The following CELSR2 variants were observed in gnomAD, a reference collection of about 807,000 sequenced individuals.
CELSR2 encodes the protein cadherin EGF LAG seven-pass G-type receptor 2, also known as EGF-like protein 2.
In CELSR2, 81 loss-of-function variants were observed where a neutral mutation model predicts 251.6. The ratio of observed to expected loss-of-function variants is 0.32; its 90% CI spans 0.27 to 0.39. The LOEUF is 0.39. CELSR2 is among the 10% of genes least tolerant of loss of function. The pLI is 1.00. For synonymous variants in CELSR2, 1,721 were observed against 1,670.5 expected (o/e 1.03, Z -0.74); for missense variants, 3,365 against 3,947.7 (o/e 0.85, Z 3.96).
At chr1:109,263,508 G>A in intron 8 of CELSR2, 103 bp from the exon 9 acceptor site, 1 of 1,496,168 alleles carries the variant, frequency 6.7e-7, no homozygotes, top group African/African-American at 1.4e-5. Flanking sequence ...GCTGATGAGG[G>A]GAGTGGGCTC....
intron 1 of CELSR2, 66 bp from the exon 2 acceptor site, chr1:109,258,366 T>C: frequency 8.7e-7 from 1 of 1,147,796 alleles, no homozygotes; most frequent in Non-Finnish European, 1.2e-6. Context: ...TCTTGGTGGG[T>C]GGTGCAGGAA....
At chr1:109,258,048 C>T (rs1393927482) in intron 1 of CELSR2, among the ~76,000 whole-genome samples, 2 of 151,946 alleles carry the variant, frequency 1.3e-5, no homozygotes, top group Admixed American at 6.6e-5. Flanking sequence ...GGTGTAGAGG[C>T]TGAGGGGGCA....
rs189575997 is a variant in CELSR2, at chr1:109,263,516, C to T, written c.4835-95C>T. The T allele has an allele frequency of 1.6e-3, 2,506 of 1,519,026 alleles. 77 individuals carry two copies. In the Admixed American group the frequency reaches 0.042, roughly 25 times the overall value. The allele number at this position is 1,519,026 out of a possible 1,614,324, so 94.1% of individuals were successfully genotyped here. On this transcript the variant is annotated intron_variant, in intron 8 of 33. Coordinates refer to ENST00000271332, the MANE Select transcript of CELSR2 (RefSeq NM_001408.3). Reference sequence around the variant, plus strand: ...GGGCGGGGCTGATGAGGGGAGTGGGCTCTGCCTCCCGTGCAGCCGCCACCG... The same window carrying T: ...GGGCGGGGCTGATGAGGGGAGTGGGTTCTGCCTCCCGTGCAGCCGCCACCG...
intron 29 of CELSR2, 100 bp downstream of exon 29, chr1:109,272,505 G>A (rs1570795287): frequency 6.6e-7 from 1 of 1,519,536 alleles, no homozygotes; most frequent in East Asian, 2.3e-5. Flanking sequence ...ACACACTGTG[G>A]CTGACGTGGG....
In CELSR2 at chr1:109,258,880, G is replaced by A; in HGVS notation, c.3759G>A (p.Ala1253=). The A allele has an allele frequency of 1.9e-6, 3 of 1,612,258 alleles. No homozygotes were observed. Among genetic ancestry groups the A allele is most frequent in the South Asian group, 1.1e-5 (1 of 90,834 alleles). ...CVSVLRFDSS[A]PFIASSSVLF... ...CGGTGCTGCGCTTCGACTCCTCCGC[G>A]CCCTTCATCGCCTCCTCCTCCGTGC... The change falls in exon 2 of 34, where the codon GCG becomes GCA. Residue 1253 remains alanine (A), a synonymous_variant. Transcript: ENST00000271332.
chr1:109,252,188 C>T lies in CELSR2; in HGVS notation c.2109C>T (p.Thr703=), dbSNP rs199976988. ...CGGCACAGATTGTGGTGAATGTCAC[C>T]GACGCCAACACCCATCGTCCTGTCT... ...QDTAQIVVNV[T]DANTHRPVFQ... The change falls in exon 1 of 34, where the codon ACC becomes ACT. Residue 703 remains threonine (T), a synonymous_variant. Coordinates refer to ENST00000271332, the MANE Select transcript of CELSR2 (RefSeq NM_001408.3). The surrounding 1 kb of genome is among the most constrained non-coding windows in gnomAD (Gnocchi z 4.8). The T allele has an allele frequency of 1.1e-5, 18 of 1,613,846 alleles. No homozygotes were observed. The highest frequency in any genetic ancestry group is 3.3e-5 in the Admixed American group (2 of 60,020).
At chr1:109,271,326 T>C (rs1407106010) in intron 26 of CELSR2, 30 bp downstream of exon 26, 3 of 1,613,682 alleles carry the variant, frequency 1.9e-6, no homozygotes, top group Admixed American at 1.7e-5. Context: ...GCCTGGGCCA[T>C]GGGCAGGCAC....
chr1:109,252,208 C>T lies in CELSR2; in HGVS notation c.2129C>T (p.Pro710Leu), dbSNP rs1655713939. ...GTCACCGACGCCAACACCCATCGTC[C>T]TGTCTTTCAGAGCTCCCACTATACA... is the stretch of plus-strand genomic sequence containing the variant. ...VNVTDANTHR[P>L]VFQSSHYTVN... The change falls in exon 1 of 34, where the codon CCT becomes CTT. Residue 710 changes from proline (P) to leucine (L), a missense_variant. Pro to Leu is a moderately conservative substitution (Grantham distance 98, BLOSUM62 -3). This residue lies in a region of CELSR2 where 505 missense variants were observed against 660.0 expected (regional missense o/e 0.77). Transcript: ENST00000271332. This position sits in a 1 kb window ranked among gnomAD's most constrained non-coding sequence, Gnocchi z 4.8. The T allele has an allele frequency of 6.2e-7, 1 of 1,613,750 alleles. No individual in the cohort carries two copies. Among genetic ancestry groups the T allele is most frequent in the Non-Finnish European group, 8.5e-7 (1 of 1,180,044 alleles).
chr1:109,268,922 C>T lies in CELSR2; in HGVS notation c.6545C>T (p.Ala2182Val). The T allele has an allele frequency of 1.2e-6, 2 of 1,613,230 alleles. No homozygotes were observed. The highest frequency in any genetic ancestry group is 1.7e-6 in the Non-Finnish European group (2 of 1,179,384). ...VRLDKGNFAG[A>V]KLPRYEALRG... ...TTGGACAAAGGGAACTTTGCTGGGG[C>T]CAAGCTGCCCCGCTACGAGGCCCTG... The change falls in exon 19 of 34, where the codon GCC becomes GTC. Residue 2182 changes from alanine (A) to valine (V), a missense_variant. This residue lies in a region of CELSR2 where 2,093 missense variants were observed against 2,382.8 expected (regional missense o/e 0.88). Coordinates refer to ENST00000271332, the MANE Select transcript of CELSR2 (RefSeq NM_001408.3).
In CELSR2 at chr1:109,258,420, C is replaced by G. The variant is rs754586072; in HGVS notation, c.3311-12C>G. The stretch of plus-strand genomic sequence containing the variant: ...GCCCCAGGCTGGGTCCTGACTGTGT[C>G]CCTCTCCACAGACGGCGTACACAGC... On this transcript the variant is annotated splice_polypyrimidine_tract_variant and intron_variant, in intron 1 of 33. Coordinates refer to ENST00000271332, the MANE Select transcript of CELSR2 (RefSeq NM_001408.3). The G allele has an allele frequency of 3.9e-6, 6 of 1,550,122 alleles. No individual in the cohort carries two copies. Among genetic ancestry groups the G allele is most frequent in the Admixed American group, 1.8e-5 (1 of 54,830 alleles).
chr1:109,250,176 C>T lies in CELSR2; in HGVS notation c.97C>T (p.Gln33Ter). The T allele has an allele frequency of 1.2e-6, 2 of 1,601,024 alleles. No homozygotes were observed. The highest frequency in any genetic ancestry group is 1.7e-6 in the Non-Finnish European group (2 of 1,175,724). ...GCTGCCGCCGCCACTATTGGGAGAC[C>T]AAGTGGGGCCCTGTCGTTCCTTGGG... ...LLLPPPLLGD[Q>*]VGPCRSLGSR... The change falls in exon 1 of 34, where the codon CAA becomes TAA. Residue 33 changes from glutamine to a stop codon, truncating the protein, a stop_gained. Coordinates refer to ENST00000271332, the MANE Select transcript of CELSR2 (RefSeq NM_001408.3). LOFTEE classifies it high-confidence loss of function. The surrounding 1 kb of genome is among the most constrained non-coding windows in gnomAD (Gnocchi z 4.4).
rs1378516306 is a variant in CELSR2 at position 109,250,390 on chromosome 1, C to T, written c.311C>T (p.Pro104Leu). The change falls in exon 1 of 34, where the codon CCA (proline) becomes CTA (leucine). Residue 104 changes from proline (P) to leucine (L), a missense_variant. Pro to Leu is a moderately conservative substitution (Grantham distance 98). This residue lies in a region of CELSR2 where 704 missense variants were observed against 784.1 expected (regional missense o/e 0.90). Transcript: ENST00000271332. This position sits in a 1 kb window ranked among gnomAD's most constrained non-coding sequence, Gnocchi z 4.4. ...GAATCCGAGGCCCATATTCCCCTAC[C>T]ACCAGCTCCTGAAGGCTGCCCCTGG... Reference protein sequence around the residue: ...CPESEAHIPLPPAPEGCPWSC... With the variant: ...CPESEAHIPLLPAPEGCPWSC... 1.5e-5 allele frequency: 24 copies of T among 1,613,514 alleles called. No homozygotes were observed. The highest frequency in any genetic ancestry group is 1.9e-5 in the Non-Finnish European group (23 of 1,180,036).
In CELSR2 at chr1:109,275,268, C is replaced by G. The variant is rs1233409244; in HGVS notation, c.*1219C>G. 6.6e-6 allele frequency: 1 copy of G among 152,276 alleles called. No homozygotes were observed. The highest frequency in any genetic ancestry group is 1.5e-5 in the Non-Finnish European group (1 of 68,062). The allele number at this position is 152,276 out of a possible 1,614,324, so 9.4% of individuals were successfully genotyped here. A position where few individuals can be genotyped will look rare whatever the true frequency, so the allele number is the denominator to read the frequency against. On this transcript the variant is annotated 3_prime_UTR_variant, in exon 34 of 34. Coordinates refer to ENST00000271332, the MANE Select transcript of CELSR2 (RefSeq NM_001408.3). ...GGGGGTCTGATATGGCCATCACAGG[C>G]TGGGTGTTCCCAGCAGCCCTGGCTT...
In CELSR2 at chr1:109,250,863, C is replaced by G. The variant is rs779371178; in HGVS notation, c.784C>G (p.Gln262Glu). Residue 262 changes from glutamine to glutamate, a missense_variant, in exon 1 of 34, where the codon CAG becomes GAG. By Grantham distance (29) the Gln-to-Glu change is conservative. This residue lies in a region of CELSR2 where 704 missense variants were observed against 784.1 expected (regional missense o/e 0.90). Transcript: ENST00000271332. The surrounding 1 kb of genome is among the most constrained non-coding windows in gnomAD (Gnocchi z 4.4). ...CACCCACGTCTTCAGGGTCACGGCG[C>G]AGGACCACGGCATGCCCCGACGAAG... The part of the protein sequence containing the change: ...KSTHVFRVTA[Q>E]DHGMPRRSAL... 6 of 1,614,054 alleles carry G rather than the reference C, an allele frequency of 3.7e-6. No individual in the cohort carries two copies. The highest frequency in any genetic ancestry group is 1.7e-5 in the Admixed American group (1 of 60,032).
Position 109,270,407 on chromosome 1 carries a change from C to T in CELSR2, c.7309-19C>T. The T allele has an allele frequency of 1.2e-6, 2 of 1,613,686 alleles. No homozygotes were observed. On this transcript the variant is annotated intron_variant, in intron 23 of 33. Transcript: ENST00000271332. The stretch of plus-strand genomic sequence containing the variant: ...TGGGCGGGCCCCGGTCGCTGACCTG[C>T]CCTGGCCTGGGCCCTCAGTTTGCCT...
rs200047365 is a variant in CELSR2, at chr1:109,270,950, G to C, written c.7507G>C (p.Glu2503Gln). The C allele has an allele frequency of 6.2e-7, 1 of 1,613,648 alleles. No individual in the cohort carries two copies. The highest frequency in any genetic ancestry group is 8.5e-7 in the Non-Finnish European group (1 of 1,179,922). Residue 2503 changes from glutamate (E) to glutamine (Q), a missense_variant, in exon 25 of 34, where the codon GAG (glutamate) becomes CAG (glutamine). Glu to Gln is a conservative substitution (Grantham distance 29). This residue lies in a region of CELSR2 where 2,093 missense variants were observed against 2,382.8 expected (regional missense o/e 0.88). Coordinates refer to ENST00000271332, the MANE Select transcript of CELSR2 (RefSeq NM_001408.3). ...AGGGCTAGCCGTGGGCCTGGACCCC[G>C]AGGGCTACGGGAACCCTGACTTCTG... ...ITGLAVGLDP[E>Q]GYGNPDFCWL...
Position 109,269,867 on chromosome 1 carries a change from G to A in CELSR2, c.7107+47G>A. 1 of 1,613,244 alleles carries A rather than the reference G, an allele frequency of 6.2e-7. No homozygotes were observed. The highest frequency in any genetic ancestry group is 1.1e-5 in the South Asian group (1 of 91,066). On this transcript the variant is annotated intron_variant, in intron 22 of 33. Transcript: ENST00000271332. The surrounding 1 kb of genome is among the most constrained non-coding windows in gnomAD (Gnocchi z 6.4). ...GCAGAGCCGTGGGTGGGCACCCAGG[G>A]CACGGGGCTGGGTGCTCAGGTCCTG...
chr1:109,262,210 C>G, intron 5 of CELSR2, 77 bp from the exon 6 acceptor site: 4 of 1,562,332 alleles, frequency 2.6e-6, no homozygotes, highest in Non-Finnish European at 3.5e-6. Flanking sequence ...CACACAGAGG[C>G]ACCCAGTGTG....
At chr1:109,259,359 C>A (rs975837241) in intron 2 of CELSR2, among the ~76,000 whole-genome samples, 1 of 152,226 alleles carries the variant, frequency 6.6e-6, no homozygotes, top group Non-Finnish European at 1.5e-5. Context: ...TCAGCTTTGC[C>A]GCTAGTAGCT....
Sources: gnomAD v4.1 joint callset for allele counts (sites outside exome capture counted in the v4.1 genomes callset) on GRCh38, gnomAD v4.1.1 for gene constraint, gnomAD v4.1.1 regional missense constraint, Gnocchi (gnomAD v3.1) non-coding constraint, MANE v1.5 for transcripts, NCBI Gene and HGNC (gene_info 2026-07-23, HGNC 2026-07-21) for gene names.